Variants in SLC25A21 observed in about 807,000 individuals in gnomAD.
SLC25A21 encodes mitochondrial 2-oxodicarboxylate carrier.
SLC25A21 carries 47 observed loss-of-function variants against 43.8 expected under a neutral mutation model. The observed-to-expected ratio is 1.07, with a 90% CI of 0.85 to 1.37. SLC25A21 has a LOEUF of 1.37. SLC25A21 is among the 40% of genes most tolerant of loss of function. The pLI, the probability that SLC25A21 is intolerant of heterozygous loss-of-function variation, is 0.00. For synonymous variants in SLC25A21, 131 were observed against 121.3 expected (o/e 1.08, Z -0.52); for missense variants, 352 against 350.2 (o/e 1.00, Z -0.04).
At chr14:36,986,415 C>T (rs952292438) in intron 1 of SLC25A21, among the ~76,000 whole-genome samples, 8 of 152,116 alleles carry the variant, frequency 5.3e-5, no homozygotes, top group African/African-American at 1.9e-4. Context: ...ATTGGACCTC[C>T]ACTCCACTTG....
At chr14:36,984,959 A>T (rs576001273) in intron 1 of SLC25A21, among the ~76,000 whole-genome samples, 3 of 151,574 alleles carry the variant, frequency 2.0e-5, no homozygotes, top group East Asian at 3.9e-4. Context: ...GGATTAAGAA[A>T]ATGTGGCACA....
intron 1 of SLC25A21, among the ~76,000 whole-genome samples, chr14:37,013,092 T>C (rs1426656307): frequency 6.6e-6 from 1 of 152,200 alleles, no homozygotes; most frequent in Non-Finnish European, 1.5e-5. Flanking sequence ...GAGTAGCATT[T>C]GAAAATAATA....
chr14:36,910,899 C>T (rs1188735228), intron 1 of SLC25A21, among the ~76,000 whole-genome samples: 1 of 152,138 alleles, frequency 6.6e-6, no homozygotes, highest in East Asian at 1.9e-4. Context: ...TTCTGATTTG[C>T]TTCTCTAAAC....
chr14:37,052,274 A>G (rs532038174), intron 1 of SLC25A21, among the ~76,000 whole-genome samples: 1 of 152,314 alleles, frequency 6.6e-6, no homozygotes, highest in East Asian at 1.9e-4. Flanking sequence ...AGAGACAGTT[A>G]TAGAAGATTG....
At chr14:36,992,060 A>G (rs1423107894) in intron 1 of SLC25A21, among the ~76,000 whole-genome samples, 2 of 152,172 alleles carry the variant, frequency 1.3e-5, no homozygotes, top group African/African-American at 4.8e-5. Context: ...AACATAAATG[A>G]TTTATTTAGT....
intron 1 of SLC25A21, among the ~76,000 whole-genome samples, chr14:37,068,902 C>T (rs1305372710): frequency 2.6e-5 from 4 of 152,054 alleles, no homozygotes; most frequent in African/African-American, 4.8e-5. Context: ...TGGCCAGGCG[C>T]GGTGGCTCAC....
At chr14:37,006,122 T>C (rs1412722007) in intron 1 of SLC25A21, among the ~76,000 whole-genome samples, 1 of 152,152 alleles carries the variant, frequency 6.6e-6, no homozygotes, top group Non-Finnish European at 1.5e-5. Flanking sequence ...TAAGTAATGA[T>C]AAATGTATCA....
At chr14:36,704,581 C>T (rs1019519755) in intron 7 of SLC25A21, among the ~76,000 whole-genome samples, 9 of 145,544 alleles carry the variant, frequency 6.2e-5, no homozygotes, top group African/African-American at 1.5e-4. Context: ...CGCTTGAACC[C>T]GGGAGGCGGA....
At chr14:36,704,619 T>A (rs1481361278) in intron 7 of SLC25A21, among the ~76,000 whole-genome samples, 1 of 142,758 alleles carries the variant, frequency 7.0e-6, no homozygotes, top group Non-Finnish European at 1.5e-5. Context: ...ATAGTGCCAC[T>A]GCACTCCAGC....
At chr14:36,846,631 T>G (rs1594636617) in intron 2 of SLC25A21, among the ~76,000 whole-genome samples, 1 of 152,108 alleles carries the variant, frequency 6.6e-6, no homozygotes, top group Admixed American at 6.6e-5. Flanking sequence ...ATCCACCTGC[T>G]TCAGCCTCCC....
chr14:36,753,723 G>C (rs950148053), intron 3 of SLC25A21, among the ~76,000 whole-genome samples: 41 of 152,128 alleles, frequency 2.7e-4, no homozygotes, highest in African/African-American at 4.8e-5. Context: ...AATATTTATA[G>C]AATTTCAGAA....
chr14:37,012,928 A>G (rs1960764084), intron 1 of SLC25A21, among the ~76,000 whole-genome samples: 1 of 152,194 alleles, frequency 6.6e-6, no homozygotes, highest in African/African-American at 2.4e-5. Context: ...TTGGGGACAC[A>G]CCAACCTGGT....
At chr14:37,084,841 T>C (rs1278447285) in intron 1 of SLC25A21, among the ~76,000 whole-genome samples, 1 of 152,202 alleles carries the variant, frequency 6.6e-6, no homozygotes, top group Non-Finnish European at 1.5e-5. Context: ...ATAAGGACAG[T>C]CATATAGGTC....
intron 1 of SLC25A21, among the ~76,000 whole-genome samples, chr14:37,062,735 C>A (rs981917227): frequency 2.0e-5 from 3 of 152,092 alleles, no homozygotes; most frequent in African/African-American, 7.2e-5. Context: ...AGAAGCATAA[C>A]AATCAGTTTA....
intron 1 of SLC25A21, among the ~76,000 whole-genome samples, chr14:36,940,215 C>A (rs1892523059): frequency 6.6e-6 from 1 of 152,044 alleles, no homozygotes; most frequent in Non-Finnish European, 1.5e-5. Flanking sequence ...TATAACTAAG[C>A]TAGTTTGGAG....
intron 1 of SLC25A21, among the ~76,000 whole-genome samples, chr14:37,052,960 T>G (rs992870461): frequency 6.6e-6 from 1 of 152,192 alleles, no homozygotes; most frequent in African/African-American, 2.4e-5. Flanking sequence ...ATTTTAAGAT[T>G]ATTTGTCCTT....
At chr14:36,894,922 T>C (rs567578644) in intron 1 of SLC25A21, among the ~76,000 whole-genome samples, 7 of 152,320 alleles carry the variant, frequency 4.6e-5, no homozygotes, top group African/African-American at 1.7e-4. Context: ...CTTTTTGATG[T>C]GCTGCTGGAT....
At chr14:37,109,861 T>C (rs1962986609) in intron 1 of SLC25A21, among the ~76,000 whole-genome samples, 1 of 152,140 alleles carries the variant, frequency 6.6e-6, no homozygotes, top group Admixed American at 6.6e-5. Context: ...TAAAGTAAGA[T>C]TTAAAAAGGG....
intron 3 of SLC25A21, among the ~76,000 whole-genome samples, chr14:36,736,491 T>C (rs942087872): frequency 6.6e-6 from 1 of 152,196 alleles, no homozygotes; most frequent in African/African-American, 2.4e-5. Context: ...TGACCAAGCA[T>C]AGGTTGGTCT....
Sources: allele counts gnomAD v4.1 joint callset (sites outside exome capture counted in the v4.1 genomes callset), GRCh38; gene constraint gnomAD v4.1.1; transcripts MANE v1.5; gene names NCBI Gene and HGNC (gene_info 2026-07-23, HGNC 2026-07-21).